The following AMY2B variants were observed in gnomAD, a reference collection of about 807,000 sequenced individuals.
The protein encoded by AMY2B is amylase alpha 2B.
A neutral mutation model predicts 59.3 loss-of-function variants in AMY2B; 63 were observed. That is an observed-to-expected ratio of 1.06 (90% CI 0.87 to 1.31). AMY2B has a LOEUF of 1.31. Ranked by LOEUF, AMY2B falls within the 50% of genes most tolerant of loss-of-function variation. The pLI is 0.00. For synonymous variants in AMY2B, 180 were observed against 198.1 expected (o/e 0.91, Z 0.77); for missense variants, 635 against 626.7 (o/e 1.01, Z -0.14).
chr1:103,575,622 A>G lies in AMY2B; in HGVS notation c.1101+82A>G, dbSNP rs1236735189. The stretch of plus-strand genomic sequence containing the variant: ...TTCTAACTTAATATGACAACTATTA[A>G]TTATATATTCAACAAATAATTGATT... On this transcript the variant is annotated intron_variant, in intron 7 of 9. Coordinates refer to ENST00000684275, the MANE Select transcript of AMY2B (RefSeq NM_001387437.1). The G allele has an allele frequency of 5.1e-6, 8 of 1,564,072 alleles. No homozygotes were observed. In the East Asian group the frequency reaches 1.6e-4, roughly 31 times the overall value.
chr1:103,569,313 T>TCTCGGTGGGCGCCGTATCATTAAAAAA, upstream of AMY2B: 1 of 159,290 alleles, frequency 6.3e-6, no homozygotes, highest in South Asian at 1.8e-4. Context: ...ACTGTGTAGA[T>TCTCGGTGGGCGCCGTATCATTAAAAAA]ATGTGTGTGT....
intron 1 of AMY2B, among the ~76,000 whole-genome samples, chr1:103,558,712 G>A (rs577010332): frequency 5.3e-4 from 79 of 149,564 alleles, no homozygotes; most frequent in East Asian, 3.0e-3. Flanking sequence ...GCAGTGAACC[G>A]TGATTGCATC....
At chr1:103,566,340 C>G (rs1180352285) in intron 2 of AMY2B, among the ~76,000 whole-genome samples, 1 of 152,088 alleles carries the variant, frequency 6.6e-6, no homozygotes, top group African/African-American at 2.4e-5. Flanking sequence ...ACTTCTAGAA[C>G]AGCTCTGTCT....
At chr1:103,575,618 A>C in intron 7 of AMY2B, 78 bp downstream of exon 7, 2 of 1,569,652 alleles carry the variant, frequency 1.3e-6, no homozygotes, top group East Asian at 2.2e-5. Flanking sequence ...TATGACAACT[A>C]TTAATTATAT....
chr1:103,572,603 A>G (rs1652179738), intron 2 of AMY2B, among the ~76,000 whole-genome samples: 1 of 152,180 alleles, frequency 6.6e-6, no homozygotes, highest in Admixed American at 6.6e-5. Context: ...TTGTATCTCC[A>G]TCCATAATTC....
chr1:103,575,060 GTATA>G (rs59615316), intron 5 of AMY2B, among the ~76,000 whole-genome samples, 159 bp from the exon 6 acceptor site: 8,526 of 143,222 alleles, frequency 0.06, 627 homozygotes, highest in African/African-American at 0.17. Flanking sequence ...GTGTGTGTAT[GTATA>G]TATATATATA....
chr1:103,576,282 A>G (rs1400338468), intron 7 of AMY2B, among the ~76,000 whole-genome samples: 1 of 152,170 alleles, frequency 6.6e-6, no homozygotes, highest in African/African-American at 2.4e-5. Flanking sequence ...ATATCTAGCT[A>G]GCTTTTTTTA....
At chr1:103,554,921 T>A (rs1428814367) in exon 1 of AMY2B, 1 of 152,230 alleles carries the variant, frequency 6.6e-6, no homozygotes, top group African/African-American at 2.4e-5. Flanking sequence ...AATTTTGTTA[T>A]ACTGACATGA....
At chr1:103,571,382 A>G, upstream of AMY2B, 1 of 1,167,244 alleles carries the variant, frequency 8.6e-7, no homozygotes, top group Non-Finnish European at 1.2e-6. Context: ...TGCTGCCAGA[A>G]CCAAAAAAAC....
chr1:103,564,797 C>T (rs1372299476), intron 1 of AMY2B, among the ~76,000 whole-genome samples: 1 of 152,044 alleles, frequency 6.6e-6, no homozygotes, highest in Non-Finnish European at 1.5e-5. Context: ...TTCTTCATAT[C>T]TTTTTTTAAT....
At chr1:103,576,696 T>C (rs1419637806) in intron 7 of AMY2B, among the ~76,000 whole-genome samples, 1 of 152,216 alleles carries the variant, frequency 6.6e-6, no homozygotes, top group Non-Finnish European at 1.5e-5. Context: ...AACAGAAGCA[T>C]GATGGACTCT....
intron 5 of AMY2B, among the ~76,000 whole-genome samples, 186 bp downstream of exon 5, chr1:103,574,579 T>A (rs949538571): frequency 6.6e-6 from 1 of 152,056 alleles, no homozygotes; most frequent in African/African-American, 2.4e-5. Context: ...CTATCACAAG[T>A]GAGTATGCCT....
Position 103,574,375 on chromosome 1 carries a change from A to T in AMY2B, c.860A>T (p.Glu287Val), listed in dbSNP as rs372593038. ...ACAGTTATTCGCAAGTGGAATGGAGAGAAGATGTCTTACCTAAAGTAAATA... is the reference window on the plus strand; with the variant it reads ...ACAGTTATTCGCAAGTGGAATGGAGTGAAGATGTCTTACCTAAAGTAAATA... ...LGTVIRKWNGEKMSYLKNWGE... is the reference protein window; with the variant it reads ...LGTVIRKWNGVKMSYLKNWGE... The change falls in exon 5 of 10, where the codon GAG becomes GTG. Residue 287 changes from glutamate (E) to valine (V), a missense_variant. Transcript: ENST00000684275. 6.2e-7 allele frequency: 1 copy of T among 1,611,690 alleles called. No homozygotes were observed. The highest frequency in any genetic ancestry group is 8.5e-7 in the Non-Finnish European group (1 of 1,179,700).
rs561651261 is a variant in AMY2B, at chr1:103,573,237, G to A, written c.490G>A (p.Glu164Lys). 2.0e-5 allele frequency: 32 copies of A among 1,613,582 alleles called. 1 individual carries two copies. The highest frequency in any genetic ancestry group is 2.0e-4 in the South Asian group (18 of 91,066). The change falls in exon 3 of 10, where the codon GAG becomes AAG. Residue 164 changes from glutamate (E) to lysine (K), a missense_variant. Glu to Lys is a moderately conservative substitution (Grantham distance 56). Coordinates refer to ENST00000684275, the MANE Select transcript of AMY2B (RefSeq NM_001387437.1). The stretch of plus-strand genomic sequence containing the variant: ...ATGTAAAACTGGAAGTGGAGATATC[G>A]AGAACTACAATGATGCTACTCAGGT... The part of the protein sequence containing the change: ...GKCKTGSGDI[E>K]NYNDATQVRD...
chr1:103,557,754 G>T (rs752008151), intron 1 of AMY2B, among the ~76,000 whole-genome samples: 1 of 151,948 alleles, frequency 6.6e-6, no homozygotes, highest in Non-Finnish European at 1.5e-5. Flanking sequence ...CAAAATTTAA[G>T]AAGATGTGAG....
chr1:103,564,911 A>G (rs527772646), intron 1 of AMY2B: 50 of 152,256 alleles, frequency 3.3e-4, no homozygotes, highest in African/African-American at 1.1e-3. Flanking sequence ...TTGCACTATC[A>G]GTCATAAAGA....
At chr1:103,555,008 T>G (rs1651502600) in exon 1 of AMY2B, 1 of 152,154 alleles carries the variant, frequency 6.6e-6, no homozygotes, top group African/African-American at 2.4e-5. Context: ...ACTTCCTATT[T>G]TTAATGGGCT....
At position 103,574,127 on chromosome 1, in the gene AMY2B, G is replaced by T. The variant is rs376895627; in HGVS notation, c.745-133G>T. The T allele has an allele frequency of 8.2e-5, 121 of 1,477,686 alleles. 2 individuals carry two copies. The highest frequency in any genetic ancestry group is 6.2e-4 in the East Asian group (25 of 40,190). The allele number at this position is 1,477,686 out of a possible 1,614,324, so 91.5% of individuals were successfully genotyped here. A position where few individuals can be genotyped will look rare whatever the true frequency, so the allele number is the denominator to read the frequency against. ...CAAACAAAACAAAACAAGACAAAAA[G>T]AAATAATAAATAGCTTAATTTATTA... On this transcript the variant is annotated intron_variant, in intron 4 of 9. Transcript: ENST00000684275.
chr1:103,572,052 G>T, intron 1 of AMY2B, 58 bp from the exon 2 acceptor site: 16 of 1,606,642 alleles, frequency 1.0e-5, no homozygotes, highest in Non-Finnish European at 1.4e-5. Flanking sequence ...TTAGTTTCTA[G>T]AACATTCAAT....
Sources: allele counts gnomAD v4.1 joint callset (sites outside exome capture counted in the v4.1 genomes callset), GRCh38; gene constraint gnomAD v4.1.1; transcripts MANE v1.5; gene names NCBI Gene and HGNC (gene_info 2026-07-23, HGNC 2026-07-21).